Variants in ASIP observed in about 807,000 individuals in gnomAD.
ASIP encodes agouti signaling protein, also known as agouti-signaling protein.
Under a neutral mutation model 10.3 loss-of-function variants are expected in ASIP, and 11 were observed. That is an observed-to-expected ratio of 1.07 (90% CI 0.68 to 1.78). The LOEUF is 1.78. Among genes scored for constraint, ASIP ranks in the 40% most tolerant of loss-of-function variants. ASIP has a pLI of 0.00. For missense variants in ASIP, 180 were observed against 169.2 expected, an observed-to-expected ratio of 1.06 and a Z score of -0.35; for synonymous variants, 70 against 70.8, an observed-to-expected ratio of 0.99 and a Z score of 0.06.
At chr20:34,203,756 C>CT (rs2034916575) in intron 1 of ASIP, among the ~76,000 whole-genome samples, 1 of 152,030 alleles carries the variant, frequency 6.6e-6, no homozygotes, top group Non-Finnish European at 1.5e-5. Flanking sequence ...GAGTTTCGCT[C>CT]TTTTTTGCCC....
intron 1 of ASIP, among the ~76,000 whole-genome samples, chr20:34,253,771 A>T (rs1381558818): frequency 2.0e-5 from 3 of 151,890 alleles, no homozygotes; most frequent in Non-Finnish European, 4.4e-5. Flanking sequence ...GGCCCTTAAA[A>T]CTGAGAAAGC....
intron 1 of ASIP, among the ~76,000 whole-genome samples, chr20:34,197,472 A>C (rs1026464038): frequency 5.3e-5 from 8 of 152,192 alleles, no homozygotes; most frequent in African/African-American, 1.9e-4. Flanking sequence ...TGTTCAATAC[A>C]GTCAGTAATT....
chr20:34,195,200 G>A (rs772899417), intron 1 of ASIP, among the ~76,000 whole-genome samples: 31 of 151,904 alleles, frequency 2.0e-4, no homozygotes, highest in Admixed American at 5.9e-4. Context: ...TGAGCTGTAG[G>A]AATGCAGAAC....
chr20:34,190,525 A>G (rs2034818392), upstream of ASIP, among the ~76,000 whole-genome samples: 2 of 151,982 alleles, frequency 1.3e-5, no homozygotes, highest in South Asian at 2.1e-4. Flanking sequence ...TCTAGTTTAG[A>G]TCTCTCTCCT....
intron 3 of ASIP, among the ~76,000 whole-genome samples, 195 bp downstream of exon 3, chr20:34,263,088 G>C (rs1268048024): frequency 6.6e-6 from 1 of 152,178 alleles, no homozygotes; most frequent in Admixed American, 6.5e-5. Flanking sequence ...GGGAGCTGAA[G>C]TCCACTGAGC....
rs1438547815 is a variant in ASIP at position 34,230,773 on chromosome 20, C to A, written c.-10-29592C>A. On this transcript the variant is annotated intron_variant, in intron 1 of 3. Transcript: ENST00000568305. ...GGGCGGCTGGCCTGGCCGGGGCTGACCCCCCCGCACCTCCCTCCCGGACGG... is the reference window on the plus strand; with the variant it reads ...GGGCGGCTGGCCTGGCCGGGGCTGAACCCCCCGCACCTCCCTCCCGGACGG... Among the ~76,000 whole-genome samples the A allele has an allele frequency of 4.7e-5, 2 of 42,416 alleles. 1 individual carries two copies. The highest frequency in any genetic ancestry group is 1.2e-3 in the East Asian group (2 of 1,626). 27.8% of individuals were successfully genotyped at this position (42,416 alleles called of 152,430 possible). A position where few individuals can be genotyped will look rare whatever the true frequency, so the allele number is the denominator to read the frequency against.
At chr20:34,192,935 G>A (rs574215925), upstream of ASIP, among the ~76,000 whole-genome samples, 4 of 152,070 alleles carry the variant, frequency 2.6e-5, no homozygotes, top group South Asian at 2.1e-4. Flanking sequence ...CACCTCAAGC[G>A]TTTATCATTG....
upstream of ASIP, among the ~76,000 whole-genome samples, chr20:34,237,981 C>G (rs2035232995): frequency 6.6e-6 from 1 of 152,074 alleles, no homozygotes; most frequent in South Asian, 2.1e-4. Flanking sequence ...CAGCCTCTGG[C>G]CTCCAAAGTT....
At chr20:34,223,140 G>A (rs945055486) in intron 1 of ASIP, among the ~76,000 whole-genome samples, 1 of 151,782 alleles carries the variant, frequency 6.6e-6, no homozygotes, top group African/African-American at 2.4e-5. Flanking sequence ...TCTGGAAAGT[G>A]AGGAGCGTCT....
At chr20:34,266,728 C>A (rs2035793338) in intron 3 of ASIP, among the ~76,000 whole-genome samples, 2 of 152,152 alleles carry the variant, frequency 1.3e-5, no homozygotes, top group Non-Finnish European at 2.9e-5. Context: ...TAGAAAGGCA[C>A]TAAGGACACG....
chr20:34,256,986 C>CACAT (rs2035580102), intron 1 of ASIP, among the ~76,000 whole-genome samples: 1 of 152,070 alleles, frequency 6.6e-6, no homozygotes, highest in African/African-American at 2.4e-5. Context: ...CACATTCCAC[C>CACAT]ACATCTCCAT....
chr20:34,264,527 C>G (rs1423495236), intron 3 of ASIP, among the ~76,000 whole-genome samples: 2 of 152,112 alleles, frequency 1.3e-5, no homozygotes, highest in Non-Finnish European at 2.9e-5. Context: ...TGGAAGTGTT[C>G]CCAAGAAGCA....
intron 1 of ASIP, among the ~76,000 whole-genome samples, chr20:34,198,278 C>T (rs1357778564): frequency 1.3e-5 from 2 of 151,754 alleles, no homozygotes; most frequent in Admixed American, 1.3e-4. Flanking sequence ...TTAGTAGAGA[C>T]GGGGTTTCAC....
chr20:34,268,988 C>T lies in ASIP; in HGVS notation c.223-3C>T. On this transcript the variant is annotated splice_region_variant and splice_polypyrimidine_tract_variant and intron_variant, in intron 3 of 3. Coordinates refer to ENST00000374954, the MANE Select transcript of ASIP (RefSeq NM_001672.3). ...TCATAAAGCCCCGGCGTTTCCCACG[C>T]AGAAGGAGGCTTCGATGAAGAAAGT... 6.2e-7 allele frequency: 1 copy of T among 1,601,442 alleles called. No individual in the cohort carries two copies. The highest frequency in any genetic ancestry group is 2.3e-5 in the East Asian group (1 of 44,366).
At chr20:34,197,517 A>G (rs982221416) in intron 1 of ASIP, among the ~76,000 whole-genome samples, 2 of 152,150 alleles carry the variant, frequency 1.3e-5, no homozygotes, top group Admixed American at 1.3e-4. Flanking sequence ...TTTATGTAAA[A>G]TTGCCTCCTT....
chr20:34,204,222 ATTT>A (rs760440247), intron 1 of ASIP, among the ~76,000 whole-genome samples: 1 of 139,752 alleles, frequency 7.2e-6, no homozygotes. Flanking sequence ...TATTTTTTTA[ATTT>A]TTTTTTTTTT....
chr20:34,238,689 G>T (rs185410535), upstream of ASIP, among the ~76,000 whole-genome samples: 34 of 151,934 alleles, frequency 2.2e-4, no homozygotes, highest in Admixed American at 4.6e-4. Flanking sequence ...TCCTTTGAAT[G>T]TGCCATATTT....
At chr20:34,258,897 A>C (rs539472479) in intron 1 of ASIP, among the ~76,000 whole-genome samples, 1 of 133,528 alleles carries the variant, frequency 7.5e-6, no homozygotes, top group South Asian at 2.2e-4. Flanking sequence ...TTATATATAT[A>C]GTGTATATAT....
chr20:34,266,617 GAGCC>G (rs2035790961), intron 3 of ASIP, among the ~76,000 whole-genome samples: 3 of 151,982 alleles, frequency 2.0e-5, no homozygotes, highest in Non-Finnish European at 2.9e-5. Flanking sequence ...AGGTTGCAGT[GAGCC>G]GAGATGGCAC....
Sources: gnomAD v4.1 joint callset for allele counts (sites outside exome capture counted in the v4.1 genomes callset) on GRCh38, gnomAD v4.1.1 for gene constraint, MANE v1.5 for transcripts, NCBI Gene and HGNC (gene_info 2026-07-23, HGNC 2026-07-21) for gene names.